GPC6: variants seen among roughly 807,000 people sequenced by gnomAD.
The protein encoded by GPC6 is glypican-6.
Under a neutral mutation model 55.2 loss-of-function variants are expected in GPC6, and 14 were observed. The ratio of observed to expected loss-of-function variants is 0.25; its 90% CI spans 0.17 to 0.40. The LOEUF (loss-of-function observed/expected upper bound fraction) is 0.40, where lower values mean the gene tolerates loss of function less well. Among genes scored for constraint, GPC6 ranks in the 10% least tolerant of loss-of-function variants. GPC6 has a pLI of 1.00. For missense variants in GPC6, 641 were observed against 708.5 expected (o/e 0.90, Z 1.08); for synonymous variants, 278 against 259.6 (o/e 1.07, Z -0.68).
intron 1 of GPC6, among the ~76,000 whole-genome samples, chr13:93,248,536 G>A (rs749482506): frequency 1.1e-4 from 17 of 151,104 alleles, no homozygotes; most frequent in Non-Finnish European, 2.4e-4. Context: ...TTCCCAGTAC[G>A]ACACTTCCTA....
At chr13:93,543,220 G>A (rs879163494) in intron 1 of GPC6, among the ~76,000 whole-genome samples, 7 of 152,138 alleles carry the variant, frequency 4.6e-5, no homozygotes, top group Non-Finnish European at 8.8e-5. Flanking sequence ...TTTATTGAGA[G>A]TTTTTAGCAT....
chr13:94,123,652 C>A (rs1286402134), intron 4 of GPC6, among the ~76,000 whole-genome samples: 5 of 151,798 alleles, frequency 3.3e-5, no homozygotes, highest in African/African-American at 1.2e-4. Context: ...AATCTTTGAG[C>A]TCTTAAGCAA....
intron 1 of GPC6, among the ~76,000 whole-genome samples, chr13:93,426,551 C>T (rs61964169): frequency 1.3e-5 from 2 of 151,818 alleles, no homozygotes; most frequent in African/African-American, 4.8e-5. Flanking sequence ...TCCATGTCCC[C>T]ACAAAGGACA....
At chr13:93,646,630 G>C (rs570226140) in intron 2 of GPC6, among the ~76,000 whole-genome samples, 1 of 152,032 alleles carries the variant, frequency 6.6e-6, no homozygotes, top group Non-Finnish European at 1.5e-5. Context: ...AGTCCTTGAA[G>C]TCCTTAAGTT....
chr13:94,246,732 G>A (rs1891207506), intron 4 of GPC6, among the ~76,000 whole-genome samples: 1 of 151,982 alleles, frequency 6.6e-6, no homozygotes, highest in South Asian at 2.1e-4. Flanking sequence ...CTGTTTTCAT[G>A]TCAGTGCCAT....
chr13:93,219,084 T>C, the GPC6 span, among the ~76,000 whole-genome samples: 1 of 147,388 alleles, frequency 6.8e-6, no homozygotes, highest in Non-Finnish European at 1.5e-5. Context: ...CCTGTCTTTC[T>C]TTCCTATTTT....
chr13:93,844,171 G>C (rs919609702), intron 3 of GPC6, among the ~76,000 whole-genome samples: 1 of 151,824 alleles, frequency 6.6e-6, no homozygotes, highest in African/African-American at 2.4e-5. Context: ...ACAGAGTCTC[G>C]CTCTGTCACC....
chr13:93,490,500 TTTTTTTTTTTTGAG>T (rs1879935154), intron 1 of GPC6, among the ~76,000 whole-genome samples: 1 of 116,026 alleles, frequency 8.6e-6, no homozygotes, highest in African/African-American at 3.3e-5. Context: ...TTTTTTTTTC[TTTTTTTTTTTTGAG>T]TTTTTTTTTT....
intron 2 of GPC6, among the ~76,000 whole-genome samples, chr13:93,546,890 G>A (rs191614484): frequency 2.8e-4 from 42 of 152,268 alleles, no homozygotes; most frequent in Admixed American, 5.2e-4. Flanking sequence ...GCTCTACTGT[G>A]TTTATAAAGC....
intron 1 of GPC6, among the ~76,000 whole-genome samples, chr13:93,267,320 A>G (rs1371590951): frequency 1.3e-5 from 2 of 151,794 alleles, no homozygotes; most frequent in African/African-American, 2.4e-5. Context: ...GATATGCACC[A>G]ATGCCATTAA....
At chr13:93,943,127 C>T (rs760092309) in intron 3 of GPC6, among the ~76,000 whole-genome samples, 15 of 152,154 alleles carry the variant, frequency 9.9e-5, no homozygotes, top group African/African-American at 3.4e-4. Context: ...ATTGTAAGCA[C>T]GTTAAAGCAA....
At chr13:94,402,937 C>T (rs1243918730) in intron 8 of GPC6, 78 bp from the exon 9 acceptor site, 1 of 1,030,070 alleles carries the variant, frequency 9.7e-7, no homozygotes, top group Non-Finnish European at 1.5e-6. Flanking sequence ...GATTACAATT[C>T]AAGATGAGAT....
intron 2 of GPC6, among the ~76,000 whole-genome samples, chr13:93,644,543 G>A (rs1204200278): frequency 6.6e-6 from 1 of 151,982 alleles, no homozygotes; most frequent in African/African-American, 2.4e-5. Context: ...TAATGGAATA[G>A]GGAGATATTC....
intron 1 of GPC6, among the ~76,000 whole-genome samples, chr13:93,529,952 G>A (rs1881801822): frequency 6.6e-6 from 1 of 152,208 alleles, no homozygotes; most frequent in East Asian, 1.9e-4. Context: ...TGAAGAAAGT[G>A]AGAAGAACAT....
At chr13:93,431,442 T>A (rs1233404193) in intron 1 of GPC6, among the ~76,000 whole-genome samples, 1 of 152,088 alleles carries the variant, frequency 6.6e-6, no homozygotes, top group African/African-American at 2.4e-5. Context: ...TATAAAAAAA[T>A]ACATAACAGA....
chr13:93,573,352 C>T (rs2139477805), intron 2 of GPC6, among the ~76,000 whole-genome samples: 1 of 152,058 alleles, frequency 6.6e-6, no homozygotes, highest in Non-Finnish European at 1.5e-5. Context: ...ATGAGACAGG[C>T]CCTCTTTCAA....
chr13:93,715,895 A>G (rs533878961), intron 2 of GPC6, among the ~76,000 whole-genome samples: 1 of 151,764 alleles, frequency 6.6e-6, no homozygotes, highest in South Asian at 2.1e-4. Flanking sequence ...CTGTATGCAC[A>G]TTAAAGTTTG....
intron 4 of GPC6, among the ~76,000 whole-genome samples, chr13:94,098,713 G>A (rs146019082): frequency 6.6e-6 from 1 of 152,046 alleles, no homozygotes; most frequent in Non-Finnish European, 1.5e-5. Flanking sequence ...TTCAACTTTC[G>A]TATGCTGTAG....
chr13:93,774,015 C>T (rs538923715), intron 2 of GPC6, among the ~76,000 whole-genome samples: 2 of 152,304 alleles, frequency 1.3e-5, no homozygotes, highest in Admixed American at 6.5e-5. Flanking sequence ...GCTTAGATGC[C>T]TCATGCCTCC....
Sources: gnomAD v4.1 joint callset for allele counts (sites outside exome capture counted in the v4.1 genomes callset) on GRCh38, gnomAD v4.1.1 for gene constraint, MANE v1.5 for transcripts, NCBI Gene and HGNC (gene_info 2026-07-23, HGNC 2026-07-21) for gene names.